The following MTA3 variants were observed in gnomAD, a reference collection of about 807,000 sequenced individuals.
MTA3 encodes the protein metastasis associated 1 family member 3.
Under a neutral mutation model 83.5 loss-of-function variants are expected in MTA3, and 34 were observed. The observed-to-expected ratio is 0.41, with a 90% CI of 0.31 to 0.54. The LOEUF (loss-of-function observed/expected upper bound fraction) is 0.54, where lower values mean the gene tolerates loss of function less well. MTA3 is among the 20% of genes least tolerant of loss of function. The pLI is 0.33. For synonymous variants in MTA3, 303 were observed against 252.7 expected (o/e 1.20, Z -1.89); for missense variants, 761 against 726.4 (o/e 1.05, Z -0.55).
chr2:42,568,737 C>G lies in MTA3; in HGVS notation c.-9C>G. The G allele has an allele frequency of 1.6e-6, 2 of 1,216,172 alleles. No individual in the cohort carries two copies. Among genetic ancestry groups the G allele is most frequent in the Non-Finnish European group, 2.0e-6 (2 of 978,920 alleles). The allele number at this position is 1,216,172 out of a possible 1,614,324, so 75.3% of individuals were successfully genotyped here. ...GCTCGGCTCGGGCTCCGCGGGCGGG[C>G]GGGCGGACATGGCGGCCAACATGTA... is the stretch of plus-strand genomic sequence containing the variant. On this transcript the variant is annotated 5_prime_UTR_variant, in exon 1 of 17. Transcript: ENST00000405094.
At chr2:42,723,978 A>G (rs551887537) in intron 16 of MTA3, among the ~76,000 whole-genome samples, 5 of 152,194 alleles carry the variant, frequency 3.3e-5, no homozygotes, top group African/African-American at 9.7e-5. Flanking sequence ...TTGCATTTAT[A>G]GGTTATCAAT....
chr2:42,527,051 T>C (rs1363905149), intron 2 of MTA3, among the ~76,000 whole-genome samples: 3 of 30,848 alleles, frequency 9.7e-5, no homozygotes, highest in African/African-American at 5.4e-4. Flanking sequence ...AGACTCTGTC[T>C]CAAAAAAAAA....
chr2:42,525,957 C>T (rs978616292), intron 2 of MTA3, among the ~76,000 whole-genome samples: 2 of 151,646 alleles, frequency 1.3e-5, no homozygotes, highest in Non-Finnish European at 2.9e-5. Flanking sequence ...ACCGCGCCTG[C>T]CCTAGCACTT....
chr2:42,577,839 C>G (rs773037372), intron 2 of MTA3, among the ~76,000 whole-genome samples: 2 of 152,124 alleles, frequency 1.3e-5, no homozygotes, highest in Admixed American at 6.5e-5. Context: ...GCAGCAGTTT[C>G]AAGGCATATC....
intron 3 of MTA3, among the ~76,000 whole-genome samples, chr2:42,584,878 C>G (rs1374840686): frequency 6.6e-6 from 1 of 151,468 alleles, no homozygotes. Flanking sequence ...GAGACCCTTT[C>G]TCTTGGGGGA....
chr2:42,567,646 G>GT (rs113411179), upstream of MTA3, among the ~76,000 whole-genome samples: 2,441 of 144,022 alleles, frequency 0.017, 38 homozygotes, highest in African/African-American at 0.05. Flanking sequence ...ATTCAACGTT[G>GT]TTTTTTTTTT....
At chr2:42,715,911 TAGAG>T (rs148249442) in intron 14 of MTA3, among the ~76,000 whole-genome samples, 4 of 152,324 alleles carry the variant, frequency 2.6e-5, no homozygotes, top group Admixed American at 6.5e-5. Flanking sequence ...GCTTTATTAA[TAGAG>T]AAGAAAGAAA....
At chr2:42,599,629 A>G (rs908712392) in intron 3 of MTA3, among the ~76,000 whole-genome samples, 1 of 152,096 alleles carries the variant, frequency 6.6e-6, no homozygotes, top group Non-Finnish European at 1.5e-5. Context: ...CATGTGGGTG[A>G]AACTGCAGTT....
intron 2 of MTA3, among the ~76,000 whole-genome samples, chr2:42,499,976 G>A (rs1322842268): frequency 3.4e-5 from 5 of 145,444 alleles, no homozygotes; most frequent in African/African-American, 7.4e-5. Context: ...AAAAAAAAGA[G>A]AGAGAGAGAT....
At chr2:42,612,477 A>C (rs1684345793) in intron 4 of MTA3, among the ~76,000 whole-genome samples, 1 of 152,152 alleles carries the variant, frequency 6.6e-6, no homozygotes, top group African/African-American at 2.4e-5. Flanking sequence ...TGGCCTCCCA[A>C]AGTGCTGGGA....
At chr2:42,605,047 A>G (rs549991268) in intron 3 of MTA3, among the ~76,000 whole-genome samples, 167 of 150,928 alleles carry the variant, frequency 1.1e-3, no homozygotes, top group African/African-American at 3.3e-3. Context: ...CCGCCTTTCT[A>G]TTCCACAAAG....
At chr2:42,593,559 G>A (rs1165765968) in intron 3 of MTA3, among the ~76,000 whole-genome samples, 2 of 152,114 alleles carry the variant, frequency 1.3e-5, no homozygotes, top group African/African-American at 4.8e-5. Flanking sequence ...GGCAGTTGGA[G>A]TTTTTCAGCT....
chr2:42,547,639 C>G (rs1415001327), intron 2 of MTA3, among the ~76,000 whole-genome samples: 1 of 152,144 alleles, frequency 6.6e-6, no homozygotes, highest in Non-Finnish European at 1.5e-5. Flanking sequence ...AGGCATTTGT[C>G]TTATTTGAAC....
intron 2 of MTA3, among the ~76,000 whole-genome samples, chr2:42,513,811 C>A (rs540755362): frequency 6.6e-6 from 1 of 152,158 alleles, no homozygotes; most frequent in African/African-American, 2.4e-5. Context: ...GAGGGGCAAA[C>A]GGGCTTACAC....
chr2:42,623,009 A>G (rs1685730519), intron 4 of MTA3, among the ~76,000 whole-genome samples: 1 of 152,240 alleles, frequency 6.6e-6, no homozygotes, highest in African/African-American at 2.4e-5. Context: ...GTATAATACA[A>G]CTTTGTTTAT....
chr2:42,514,131 T>G (rs1182055800), intron 2 of MTA3, among the ~76,000 whole-genome samples: 1 of 152,030 alleles, frequency 6.6e-6, no homozygotes, highest in African/African-American at 2.4e-5. Context: ...GAGAATCACT[T>G]GAACCTGGGA....
At chr2:42,612,545 A>G (rs1023305110) in intron 4 of MTA3, among the ~76,000 whole-genome samples, 3 of 152,120 alleles carry the variant, frequency 2.0e-5, no homozygotes, top group African/African-American at 7.2e-5. Flanking sequence ...ACACTAGAAT[A>G]TAAAGATTAA....
intron 2 of MTA3, among the ~76,000 whole-genome samples, chr2:42,504,053 A>G (rs958630886): frequency 2.0e-5 from 3 of 150,462 alleles, no homozygotes; most frequent in African/African-American, 7.4e-5. Context: ...CCTTCTGAGT[A>G]GCTGGGATTA....
At chr2:42,592,589 AATTC>A (rs2103945385) in intron 3 of MTA3, among the ~76,000 whole-genome samples, 1 of 152,282 alleles carries the variant, frequency 6.6e-6, no homozygotes, top group South Asian at 2.1e-4. Flanking sequence ...GTCTCAAAAA[AATTC>A]ATTTTCACTT....
Sources: gnomAD v4.1 joint callset for allele counts (sites outside exome capture counted in the v4.1 genomes callset) on GRCh38, gnomAD v4.1.1 for gene constraint, MANE v1.5 for transcripts, NCBI Gene and HGNC (gene_info 2026-07-23, HGNC 2026-07-21) for gene names.